Variants in ADIPOQ observed in about 807,000 individuals in gnomAD.
ADIPOQ encodes the protein adiponectin, C1Q and collagen domain containing.
ADIPOQ carries 19 observed loss-of-function variants against 16.1 expected under a neutral mutation model. The ratio of observed to expected loss-of-function variants is 1.18; its 90% CI spans 0.82 to 1.73. The LOEUF (loss-of-function observed/expected upper bound fraction) is 1.73, where lower values mean the gene tolerates loss of function less well. ADIPOQ is among the 40% of genes most tolerant of loss of function. The probability of loss-of-function intolerance (pLI) is 0.00; values close to 1 mark genes in which losing one functional copy is unlikely to be tolerated. For synonymous variants in ADIPOQ, 124 were observed against 125.5 expected, an observed-to-expected ratio of 0.99 and a Z score of 0.08; for missense variants, 323 against 308.3, an observed-to-expected ratio of 1.05 and a Z score of -0.36.
Position 186,845,979 on chromosome 3 carries a change from G to C in ADIPOQ, c.-9+3230G>C, listed in dbSNP as rs185861838. On this transcript the variant is annotated intron_variant, in intron 1 of 2. Coordinates refer to ENST00000320741, the MANE Select transcript of ADIPOQ (RefSeq NM_004797.4). ...CCGTGATGTGATGGAAGGCTCACTCGTTAGGAAGTCAGAACAGAGTCTCTG... is the reference window on the plus strand; with the variant it reads ...CCGTGATGTGATGGAAGGCTCACTCCTTAGGAAGTCAGAACAGAGTCTCTG... Among the ~76,000 whole-genome samples, 182 of 152,240 alleles carry C rather than the reference G, an allele frequency of 1.2e-3. 1 individual carries two copies. Among genetic ancestry groups the C allele is most frequent in the African/African-American group, 4.1e-3 (169 of 41,542 alleles).
chr3:186,853,148 C>T lies in ADIPOQ; in HGVS notation c.90C>T (p.Pro30=), dbSNP rs1711845052. ...TTTQGPGVLL[P]LPKGACTGWM... is the part of the protein sequence containing the mutation. ...CTCAAGGGCCCGGAGTCCTGCTTCCCCTGCCCAAGGGGGCCTGCACAGGTT... is the reference window on the plus strand; with the variant it reads ...CTCAAGGGCCCGGAGTCCTGCTTCCTCTGCCCAAGGGGGCCTGCACAGGTT... Residue 30 remains proline (P), a synonymous_variant, in exon 2 of 3, where the codon CCC becomes CCT. Transcript: ENST00000320741. 1.9e-6 allele frequency: 3 copies of T among 1,614,196 alleles called. No homozygotes were observed. Among genetic ancestry groups the T allele is most frequent in the Non-Finnish European group, 2.5e-6 (3 of 1,180,020 alleles).
Position 186,854,566 on chromosome 3 carries a change from C to A in ADIPOQ, c.597C>A (p.Gly199=). ...YQENNVDQAS[G]SVLLHLEVGD... is the part of the protein sequence containing the mutation. ...AAAATAATGTGGACCAGGCCTCCGG[C>A]TCTGTGCTCCTGCATCTGGAGGTGG... Residue 199 remains glycine (G), a synonymous_variant, in exon 3 of 3, where the codon GGC becomes GGA. Coordinates refer to ENST00000320741, the MANE Select transcript of ADIPOQ (RefSeq NM_004797.4). 6.2e-7 allele frequency: 1 copy of A among 1,614,058 alleles called. No homozygotes were observed. The highest frequency in any genetic ancestry group is 8.5e-7 in the Non-Finnish European group (1 of 1,179,912).
chr3:186,853,297 A>G lies in ADIPOQ; in HGVS notation c.214+25A>G, dbSNP rs1579209135. The G allele has an allele frequency of 4.5e-6, 7 of 1,562,398 alleles. No homozygotes were observed. In the East Asian group the frequency reaches 1.7e-4, roughly 37 times the overall value. ...GGTAAGAATGTTTCTGGCCTCTTTC[A>G]TCACAGACCTCCTACACTGATATAA... On this transcript the variant is annotated intron_variant, in intron 2 of 2. Coordinates refer to ENST00000320741, the MANE Select transcript of ADIPOQ (RefSeq NM_004797.4).
At chr3:186,850,438 A>G (rs2108489899) in intron 1 of ADIPOQ, among the ~76,000 whole-genome samples, 1 of 152,310 alleles carries the variant, frequency 6.6e-6, no homozygotes, top group East Asian at 1.9e-4. Flanking sequence ...GGTTGGCAGT[A>G]TAACATATGC....
intron 1 of ADIPOQ, among the ~76,000 whole-genome samples, chr3:186,845,908 A>G (rs1279347316): frequency 6.6e-6 from 1 of 152,196 alleles, no homozygotes; most frequent in Non-Finnish European, 1.5e-5. Context: ...TTCGCGGATT[A>G]GGAAGCTGAG....
At chr3:186,854,104 C>T in intron 2 of ADIPOQ, 80 bp from the exon 3 acceptor site, 2 of 1,487,638 alleles carry the variant, frequency 1.3e-6, no homozygotes, top group South Asian at 1.3e-5. Context: ...GTGGGAGCCA[C>T]AGGGATGGTA....
chr3:186,857,142 G>A lies in ADIPOQ; in HGVS notation c.*2438G>A, dbSNP rs1031902798. 1 of 152,208 alleles carries A rather than the reference G, an allele frequency of 6.6e-6. No homozygotes were observed. The highest frequency in any genetic ancestry group is 2.4e-5 in the African/African-American group (1 of 41,456). 9.4% of individuals were successfully genotyped at this position (152,208 alleles called of 1,614,324 possible). A position where few individuals can be genotyped will look rare whatever the true frequency, so the allele number is the denominator to read the frequency against. On this transcript the variant is annotated 3_prime_UTR_variant, in exon 3 of 3. Transcript: ENST00000320741. ...ATGTTTTCTGGTGATGCCCAAAGAGGAGAGAGGAAGCTCTCTTTCCCAGAT... is the reference window on the plus strand; with the variant it reads ...ATGTTTTCTGGTGATGCCCAAAGAGAAGAGAGGAAGCTCTCTTTCCCAGAT...
Position 186,854,463 on chromosome 3 carries a change from C to T in ADIPOQ, c.494C>T (p.Thr165Ile). ...PGLYYFAYHI[T>I]VYMKDVKVSL... ...CTGTACTACTTTGCCTACCACATCACAGTCTATATGAAGGATGTGAAGGTC... is the reference window on the plus strand; with the variant it reads ...CTGTACTACTTTGCCTACCACATCATAGTCTATATGAAGGATGTGAAGGTC... Residue 165 changes from threonine to isoleucine, a missense_variant, in exon 3 of 3, where the codon ACA (threonine) becomes ATA (isoleucine). By Grantham distance (89) the Thr-to-Ile change is moderately conservative. Coordinates refer to ENST00000320741, the MANE Select transcript of ADIPOQ (RefSeq NM_004797.4). 1 of 1,614,198 alleles carries T rather than the reference C, an allele frequency of 6.2e-7. No individual in the cohort carries two copies. Among genetic ancestry groups the T allele is most frequent in the Non-Finnish European group, 8.5e-7 (1 of 1,180,022 alleles).
In ADIPOQ at chr3:186,854,779, G is replaced by T; in HGVS notation, c.*75G>T. ...TAAAGGCTTTCAGTACGGTTAGGAA[G>T]TTGATTATTATTTAGTTGGAGGCCT... On this transcript the variant is annotated 3_prime_UTR_variant, in exon 3 of 3. Coordinates refer to ENST00000320741, the MANE Select transcript of ADIPOQ (RefSeq NM_004797.4). The T allele has an allele frequency of 6.4e-7, 1 of 1,560,390 alleles. No homozygotes were observed. Among genetic ancestry groups the T allele is most frequent in the Non-Finnish European group, 8.8e-7 (1 of 1,136,838 alleles).
intron 1 of ADIPOQ, among the ~76,000 whole-genome samples, chr3:186,847,292 G>A (rs1186946085): frequency 2.6e-5 from 4 of 152,184 alleles, no homozygotes; most frequent in African/African-American, 7.2e-5. Context: ...TGTGAGAATC[G>A]AATGAGACAC....
chr3:186,853,467 T>C (rs1002025046), intron 2 of ADIPOQ, among the ~76,000 whole-genome samples, 195 bp downstream of exon 2: 2 of 151,868 alleles, frequency 1.3e-5, no homozygotes, highest in African/African-American at 2.4e-5. Flanking sequence ...ACCAAGACTT[T>C]GGCTTTGCTG....
At chr3:186,853,914 G>A (rs1711880699) in intron 2 of ADIPOQ, 1 of 373,980 alleles carries the variant, frequency 2.7e-6, no homozygotes, top group Non-Finnish European at 4.8e-6. Context: ...GGTTGATGGT[G>A]CCAGCACATA....
Position 186,853,175 on chromosome 3 carries a change from G to T in ADIPOQ, c.117G>T (p.Trp39Cys). Residue 39 changes from tryptophan (W) to cysteine (C), a missense_variant, in exon 2 of 3, where the codon TGG (tryptophan) becomes TGT (cysteine). By Grantham distance (215) the Trp-to-Cys change is radical. Transcript: ENST00000320741. ...TGCCCAAGGGGGCCTGCACAGGTTG[G>T]ATGGCGGGCATCCCAGGGCATCCGG... ...LPLPKGACTG[W>C]MAGIPGHPGH... 1 of 1,614,182 alleles carries T rather than the reference G, an allele frequency of 6.2e-7. No homozygotes were observed. The highest frequency in any genetic ancestry group is 8.5e-7 in the Non-Finnish European group (1 of 1,180,020).
At chr3:186,852,821 G>T in intron 1 of ADIPOQ, 1 of 535,462 alleles carries the variant, frequency 1.9e-6, no homozygotes, top group Non-Finnish European at 3.4e-6. Flanking sequence ...TCTTGGTGAG[G>T]AAAGGAGACT....
At chr3:186,850,928 A>G (rs1301586675) in intron 1 of ADIPOQ, among the ~76,000 whole-genome samples, 1 of 151,960 alleles carries the variant, frequency 6.6e-6, no homozygotes, top group Non-Finnish European at 1.5e-5. Context: ...TATAGTTTAT[A>G]TGTATATACA....
rs143606172 is a variant in ADIPOQ, at chr3:186,853,222, G to T, written c.164G>T (p.Arg55Leu). 1.8e-5 allele frequency: 29 copies of T among 1,613,474 alleles called. 1 individual carries two copies. In the Admixed American group the frequency reaches 3.7e-4, roughly 20 times the overall value. Residue 55 changes from arginine (R) to leucine (L), a missense_variant, in exon 2 of 3, where the codon CGT becomes CTT. By Grantham distance (102) the Arg-to-Leu change is moderately radical. Transcript: ENST00000320741. ...GHPGHNGAPG[R>L]DGRDGTPGEK... ...CCGGGCCATAATGGGGCCCCAGGCCGTGATGGCAGAGATGGCACCCCTGGT... is the reference window on the plus strand; with the variant it reads ...CCGGGCCATAATGGGGCCCCAGGCCTTGATGGCAGAGATGGCACCCCTGGT...
chr3:186,853,254 G>A lies in ADIPOQ; in HGVS notation c.196G>A (p.Gly66Ser). 6.2e-7 allele frequency: 1 copy of A among 1,606,598 alleles called. No homozygotes were observed. The highest frequency in any genetic ancestry group is 8.5e-7 in the Non-Finnish European group (1 of 1,176,428). ...CAGAGATGGCACCCCTGGTGAGAAG[G>A]GTGAGAAAGGAGATCCAGGTAAGAA... ...DGRDGTPGEK[G>S]EKGDPGLIGP... is the part of the protein sequence containing the mutation. Residue 66 changes from glycine to serine, a missense_variant, in exon 2 of 3, where the codon GGT becomes AGT. Transcript: ENST00000320741.
At position 186,858,374 on chromosome 3, in the gene ADIPOQ, T is replaced by C. The variant is rs1251091992; in HGVS notation, c.*3670T>C. ...AAATGTGTTTCTTACAGACTGCATG[T>C]AGTTGGGTATAATTTTTATCCAGTC... On this transcript the variant is annotated 3_prime_UTR_variant, in exon 3 of 3. Coordinates refer to ENST00000320741, the MANE Select transcript of ADIPOQ (RefSeq NM_004797.4). The C allele has an allele frequency of 2.6e-5, 4 of 152,240 alleles. No individual in the cohort carries two copies. Among genetic ancestry groups the C allele is most frequent in the African/African-American group, 7.2e-5 (3 of 41,570 alleles). 9.4% of individuals were successfully genotyped at this position (152,240 alleles called of 1,614,324 possible). A position where few individuals can be genotyped will look rare whatever the true frequency, so the allele number is the denominator to read the frequency against.
chr3:186,848,257 G>GGAA (rs1711635863), intron 1 of ADIPOQ, among the ~76,000 whole-genome samples: 3 of 51,160 alleles, frequency 5.9e-5, no homozygotes, highest in African/African-American at 1.7e-4. Flanking sequence ...AAAGAAGGAA[G>GGAA]GAAGGAAGGA....
Sources: gnomAD v4.1 joint callset for allele counts (sites outside exome capture counted in the v4.1 genomes callset) on GRCh38, gnomAD v4.1.1 for gene constraint, MANE v1.5 for transcripts, NCBI Gene and HGNC (gene_info 2026-07-23, HGNC 2026-07-21) for gene names.